Variants in RTKN2 observed in about 807,000 individuals in gnomAD.
RTKN2 encodes the protein rhotekin 2.
In RTKN2, 69 loss-of-function variants were observed where a neutral mutation model predicts 71.5. The observed-to-expected ratio is 0.96, with a 90% CI of 0.79 to 1.18. The LOEUF (loss-of-function observed/expected upper bound fraction) is 1.18, where lower values mean the gene tolerates loss of function less well. RTKN2 is among the 50% of genes most tolerant of loss of function. The probability of loss-of-function intolerance (pLI) is 0.00; values close to 1 mark genes in which losing one functional copy is unlikely to be tolerated. For missense variants in RTKN2, 724 were observed against 719.7 expected (o/e 1.01, Z -0.07); for synonymous variants, 236 against 236.5 (o/e 1.00, Z 0.02).
chr10:62,208,551 A>C (rs2132843633), intron 9 of RTKN2, among the ~76,000 whole-genome samples: 1 of 152,344 alleles, frequency 6.6e-6, no homozygotes, highest in Non-Finnish European at 1.5e-5. Context: ...CATGACATGT[A>C]TTTAAATCCA....
At chr10:62,217,612 T>C (rs1479261831) in intron 8 of RTKN2, among the ~76,000 whole-genome samples, 1 of 152,150 alleles carries the variant, frequency 6.6e-6, no homozygotes, top group Non-Finnish European at 1.5e-5. Flanking sequence ...TAAAAACAAT[T>C]CTGTATGTTC....
Position 62,241,211 on chromosome 10 carries a change from A to G in RTKN2, c.317-16T>C, listed in dbSNP as rs1044768189. The G allele has an allele frequency of 7.9e-6, 12 of 1,514,176 alleles. No homozygotes were observed. Among genetic ancestry groups the G allele is most frequent in the Admixed American group, 1.8e-5 (1 of 55,264 alleles). 93.8% of individuals were successfully genotyped at this position (1,514,176 alleles called of 1,614,324 possible). On this transcript the variant is annotated splice_polypyrimidine_tract_variant and intron_variant, in intron 3 of 11. Coordinates refer to ENST00000373789, the MANE Select transcript of RTKN2 (RefSeq NM_145307.4). ...ATTCGAATATCTATAAAGAAGGGAAAAAGAAATGACAAGTAATAATTTTGG... is the reference window on the plus strand; with the variant it reads ...ATTCGAATATCTATAAAGAAGGGAAGAAGAAATGACAAGTAATAATTTTGG...
intron 1 of RTKN2, among the ~76,000 whole-genome samples, chr10:62,266,609 T>C (rs897730684): frequency 2.6e-5 from 4 of 152,246 alleles, no homozygotes; most frequent in South Asian, 2.1e-4. Context: ...TGAGATAGTA[T>C]TACTTTTTGA....
intron 6 of RTKN2, among the ~76,000 whole-genome samples, chr10:62,223,690 T>C (rs1176829012): frequency 2.6e-5 from 4 of 152,194 alleles, no homozygotes; most frequent in African/African-American, 7.2e-5. Context: ...TTAGCTGGTA[T>C]GTGGAGAAAC....
intron 2 of RTKN2, among the ~76,000 whole-genome samples, chr10:62,256,084 T>C (rs1257888414): frequency 2.6e-5 from 4 of 151,778 alleles, no homozygotes; most frequent in South Asian, 2.1e-4. Flanking sequence ...AGTGGCATGA[T>C]TGTCGCTCAC....
chr10:62,231,388 G>A (rs1842145828), intron 6 of RTKN2, among the ~76,000 whole-genome samples: 1 of 152,052 alleles, frequency 6.6e-6, no homozygotes. Flanking sequence ...TCTTATCAGG[G>A]AGCTTACTAA....
At position 62,236,216 on chromosome 10, in the gene RTKN2, C is replaced by A; in HGVS notation, c.536G>T (p.Cys179Phe). The A allele has an allele frequency of 6.2e-7, 1 of 1,611,776 alleles. No homozygotes were observed. The highest frequency in any genetic ancestry group is 8.5e-7 in the Non-Finnish European group (1 of 1,178,414). ...GGTTATAGAAGATTCTTCTGTACAG[C>A]AACTATACACTTCCACCTTTATCTG... ...DFQIKVEVYS[C>F]CTEESSITNT... The change falls in exon 6 of 12, where the codon TGC becomes TTC. Residue 179 changes from cysteine to phenylalanine, a missense_variant. Transcript: ENST00000373789.
chr10:62,199,757 T>C lies in RTKN2; in HGVS notation c.1291A>G (p.Met431Val). ...TKEATSVYHDMSIDSPMKLES... is the reference protein window; with the variant it reads ...TKEATSVYHDVSIDSPMKLES... ...AGAAAAGACAAACCCCACTTACTCA[T>C]ATCATGGTAGACTGAGGTTGCCTCT... The change falls in exon 11 of 12, where the codon ATG becomes GTG. Residue 431 changes from methionine to valine, a missense_variant. Transcript: ENST00000373789. 1.3e-6 allele frequency: 2 copies of C among 1,593,852 alleles called. No homozygotes were observed. The highest frequency in any genetic ancestry group is 1.7e-6 in the Non-Finnish European group (2 of 1,161,872).
intron 10 of RTKN2, among the ~76,000 whole-genome samples, chr10:62,203,253 A>G (rs1430658279): frequency 1.3e-5 from 2 of 152,214 alleles, no homozygotes; most frequent in South Asian, 4.1e-4. Context: ...CTAAGACAGA[A>G]CATTTAGTAA....
intron 2 of RTKN2, among the ~76,000 whole-genome samples, chr10:62,255,701 G>A (rs1842661941): frequency 2.6e-5 from 4 of 152,290 alleles, no homozygotes; most frequent in Admixed American, 2.0e-4. Flanking sequence ...ACACCCCACA[G>A]ATTATTTATG....
At chr10:62,222,372 A>G (rs1841928309) in intron 7 of RTKN2, among the ~76,000 whole-genome samples, 2 of 152,016 alleles carry the variant, frequency 1.3e-5, no homozygotes. Flanking sequence ...TCGTCCTCCC[A>G]AAGAACTGGG....
chr10:62,201,414 C>T (rs10995085), intron 10 of RTKN2, among the ~76,000 whole-genome samples: 49,186 of 151,820 alleles, frequency 0.32, 9,792 homozygotes, highest in African/African-American at 0.57. Flanking sequence ...ATAAGCCACA[C>T]AGCAACTGAT....
chr10:62,207,793 A>G (rs1381279541), intron 9 of RTKN2, among the ~76,000 whole-genome samples: 1 of 151,640 alleles, frequency 6.6e-6, no homozygotes, highest in Non-Finnish European at 1.5e-5. Context: ...TAATGATTAA[A>G]AAGTTTTGTA....
rs183921419 is a variant in RTKN2 at position 62,183,911 on chromosome 10, A to G, written c.*411T>C. ...TCTTCAGCCTTTGATTTTTATCAAG[A>G]TTCACTTTATTCTTCAAAGCATTTA... is the stretch of plus-strand genomic sequence containing the variant. On this transcript the variant is annotated 3_prime_UTR_variant, in exon 9 of 9. Transcript: ENST00000315289. 1.9e-5 allele frequency: 3 copies of G among 155,276 alleles called. No individual in the cohort carries two copies. In the East Asian group the frequency reaches 5.6e-4, roughly 29 times the overall value. 9.6% of individuals were successfully genotyped at this position (155,276 alleles called of 1,614,324 possible).
At position 62,194,299 on chromosome 10, in the gene RTKN2, C is replaced by G. The variant is rs542184255; in HGVS notation, c.*3609G>C. 2.6e-5 allele frequency: 26 copies of G among 981,494 alleles called. No individual in the cohort carries two copies. The East Asian group carries it at 1.5e-3, about 56-fold the overall frequency. 60.8% of individuals were successfully genotyped at this position (981,494 alleles called of 1,614,324 possible). On this transcript the variant is annotated 3_prime_UTR_variant, in exon 12 of 12. Transcript: ENST00000373789. ...TCCAGAATATGCAGATTTCATTTAACTATTAATAGCAATGAAGCAGTTGCA... is the reference window on the plus strand; with the variant it reads ...TCCAGAATATGCAGATTTCATTTAAGTATTAATAGCAATGAAGCAGTTGCA...
intron 6 of RTKN2, among the ~76,000 whole-genome samples, chr10:62,226,269 AACCTCCTTTGTTTCTTACTAAATCCT>A (rs1417779312): frequency 1.3e-5 from 2 of 152,190 alleles, no homozygotes; most frequent in Admixed American, 1.3e-4. Flanking sequence ...ATGTTTCATA[AACCTCCTTTGTTTCTTACTAAATCCT>A]TAATAAAGTC....
intron 9 of RTKN2, among the ~76,000 whole-genome samples, chr10:62,211,872 TC>T (rs1349613598): frequency 6.6e-6 from 1 of 151,990 alleles, no homozygotes; most frequent in Non-Finnish European, 1.5e-5. Context: ...CACCCTGTTA[TC>T]CAGGATGGTC....
At chr10:62,190,191 G>A (rs1841198266), downstream of RTKN2, among the ~76,000 whole-genome samples, 1 of 152,252 alleles carries the variant, frequency 6.6e-6, no homozygotes, top group East Asian at 1.9e-4. Flanking sequence ...TACATCAAGT[G>A]ACCACATTAT....
At position 62,251,771 on chromosome 10, in the gene RTKN2, G is replaced by A. The variant is rs1842585851; in HGVS notation, c.258-5714C>T. Among the ~76,000 whole-genome samples the A allele has an allele frequency of 2.6e-5, 4 of 151,930 alleles. 1 individual carries two copies. The South Asian group carries it at 6.2e-4, about 24-fold the overall frequency. On this transcript the variant is annotated intron_variant, in intron 2 of 11. Coordinates refer to ENST00000373789, the MANE Select transcript of RTKN2 (RefSeq NM_145307.4). ...TGAGACTAGTAAAGAATAAACAATAGGCAGATATGCAAAGAGAGGAGAGAA... is the reference window on the plus strand; with the variant it reads ...TGAGACTAGTAAAGAATAAACAATAAGCAGATATGCAAAGAGAGGAGAGAA...
Sources: allele counts gnomAD v4.1 joint callset (sites outside exome capture counted in the v4.1 genomes callset), GRCh38; gene constraint gnomAD v4.1.1; transcripts MANE v1.5; gene names NCBI Gene and HGNC (gene_info 2026-07-23, HGNC 2026-07-21).